FBXL20: variants seen among roughly 807,000 people sequenced by gnomAD.
FBXL20 encodes F-box and leucine rich repeat protein 20, also known as F-box/LRR-repeat protein 20.
A neutral mutation model predicts 64.0 loss-of-function variants in FBXL20; 11 were observed. That is an observed-to-expected ratio of 0.17 (90% CI 0.11 to 0.28). The LOEUF is 0.28. FBXL20 is among the 10% of genes least tolerant of loss of function. The pLI, the probability that FBXL20 is intolerant of heterozygous loss-of-function variation, is 1.00. For synonymous variants in FBXL20, 184 were observed against 189.0 expected, an observed-to-expected ratio of 0.97 and a Z score of 0.22; for missense variants, 303 against 526.2, an observed-to-expected ratio of 0.58 and a Z score of 4.15.
At chr17:39,265,515 G>A (rs1016791124) in intron 12 of FBXL20, 62 bp from the exon 13 acceptor site, 45 of 1,209,668 alleles carry the variant, frequency 3.7e-5, no homozygotes, top group South Asian at 3.5e-4. Context: ...AGTCATACCT[G>A]ATTCTTTTTT....
chr17:39,369,542 G>A (rs1043315870), intron 1 of FBXL20, among the ~76,000 whole-genome samples: 1 of 151,810 alleles, frequency 6.6e-6, no homozygotes, highest in Admixed American at 6.6e-5. Flanking sequence ...TAGAAGAGAC[G>A]GGGTTTCACC....
At chr17:39,279,297 G>A (rs1442356959) in intron 9 of FBXL20, among the ~76,000 whole-genome samples, 1 of 151,442 alleles carries the variant, frequency 6.6e-6, no homozygotes, top group Non-Finnish European at 1.5e-5. Context: ...CCAGACATTT[G>A]AGACCAGCCT....
chr17:39,315,332 A>G (rs926453182), intron 2 of FBXL20, among the ~76,000 whole-genome samples: 1 of 151,194 alleles, frequency 6.6e-6, no homozygotes, highest in African/African-American at 2.4e-5. Context: ...GTACGCTTTT[A>G]GTAAGGTTTT....
intron 1 of FBXL20, among the ~76,000 whole-genome samples, chr17:39,354,578 C>A (rs756390180): frequency 7.2e-5 from 11 of 152,138 alleles, no homozygotes; most frequent in Non-Finnish European, 2.9e-5. Flanking sequence ...TAAACTAGTG[C>A]CTAGGAATCA....
intron 2 of FBXL20, among the ~76,000 whole-genome samples, chr17:39,323,410 T>C (rs1263177631): frequency 2.6e-5 from 4 of 152,162 alleles, no homozygotes; most frequent in Admixed American, 1.3e-4. Flanking sequence ...TATATTCTTG[T>C]TGAAGAAAAC....
At chr17:39,353,813 G>A (rs1465378102) in intron 1 of FBXL20, among the ~76,000 whole-genome samples, 2 of 151,932 alleles carry the variant, frequency 1.3e-5, no homozygotes, top group Non-Finnish European at 2.9e-5. Context: ...AGTAGAGATG[G>A]GGTTTCATCA....
intron 2 of FBXL20, among the ~76,000 whole-genome samples, chr17:39,339,165 C>CAAAA (rs59901064): frequency 1.9e-3 from 131 of 67,486 alleles, no homozygotes; most frequent in African/African-American, 3.3e-3. Context: ...GACCCTGTCT[C>CAAAA]AAAAAAAAAA....
At position 39,357,680 on chromosome 17, in the gene FBXL20, G is replaced by A. The variant is rs534947388; in HGVS notation, c.43-14439C>T. Among the ~76,000 whole-genome samples, 6 of 152,270 alleles carry A rather than the reference G, an allele frequency of 3.9e-5. No individual in the cohort carries two copies. In the East Asian group the frequency reaches 7.7e-4, roughly 20 times the overall value. Reference sequence around the variant, plus strand: ...CTGCCTCAGCCTCCCAACGTGTTGCGACTACAGGTGAGTCACCATGCCCAG... The same window carrying A: ...CTGCCTCAGCCTCCCAACGTGTTGCAACTACAGGTGAGTCACCATGCCCAG... On this transcript the variant is annotated intron_variant, in intron 1 of 14. Transcript: ENST00000264658.
intron 2 of FBXL20, among the ~76,000 whole-genome samples, chr17:39,329,210 T>C (rs1014256538): frequency 6.6e-6 from 1 of 152,178 alleles, no homozygotes; most frequent in African/African-American, 2.4e-5. Flanking sequence ...ACAGACATCC[T>C]ATGCCTATGT....
At chr17:39,325,719 G>GA (rs1258765687) in intron 2 of FBXL20, among the ~76,000 whole-genome samples, 1 of 152,092 alleles carries the variant, frequency 6.6e-6, no homozygotes, top group Non-Finnish European at 1.5e-5. Flanking sequence ...ACTGACCTCT[G>GA]AACACTGCAC....
chr17:39,348,570 T>C (rs779250023), intron 1 of FBXL20, among the ~76,000 whole-genome samples: 1 of 152,012 alleles, frequency 6.6e-6, no homozygotes, highest in Non-Finnish European at 1.5e-5. Context: ...GGGATTACAT[T>C]TGTGAGCCAC....
intron 6 of FBXL20, among the ~76,000 whole-genome samples, chr17:39,293,857 T>C (rs2047062043): frequency 6.6e-6 from 1 of 152,072 alleles, no homozygotes; most frequent in South Asian, 2.1e-4. Context: ...GCTTCCTCTT[T>C]ATCAGCCACA....
At position 39,334,779 on chromosome 17, in the gene FBXL20, C is replaced by CA. The variant is rs201165983; in HGVS notation, c.104+8400dup. On this transcript the variant is annotated intron_variant, in intron 2 of 14. Transcript: ENST00000264658. ...CACTTAATGTCATTTTTACAGTTAT[C>CA]AACGTCATCCTCAGAAGGAATCTTT... Among the ~76,000 whole-genome samples, 1,372 of 152,250 alleles carry CA rather than the reference C, an allele frequency of 9.0e-3. 18 individuals carry two copies. Among genetic ancestry groups the CA allele is most frequent in the African/African-American group, 0.031 (1,294 of 41,540 alleles).
At chr17:39,357,480 TG>T (rs2047753855) in intron 1 of FBXL20, among the ~76,000 whole-genome samples, 1 of 152,172 alleles carries the variant, frequency 6.6e-6, no homozygotes, top group South Asian at 2.1e-4. Flanking sequence ...TCATATCTTT[TG>T]TTCTTCTGTT....
chr17:39,315,539 T>C (rs947804178), intron 2 of FBXL20, among the ~76,000 whole-genome samples: 2 of 151,326 alleles, frequency 1.3e-5, no homozygotes, highest in Non-Finnish European at 2.9e-5. Context: ...GGTTAGAGGT[T>C]GGGTGCAGAG....
chr17:39,281,470 A>T lies in FBXL20; in HGVS notation c.622-7T>A. 1.2e-6 allele frequency: 2 copies of T among 1,609,530 alleles called. No homozygotes were observed. The highest frequency in any genetic ancestry group is 2.2e-5 in the South Asian group (2 of 90,420). Reference sequence around the variant, plus strand: ...TGAGAGCTTCATCTTCTAGCTAGAAAGATTAAAAAGTAAGAAAAAAATGAT... The same window carrying T: ...TGAGAGCTTCATCTTCTAGCTAGAATGATTAAAAAGTAAGAAAAAAATGAT... On this transcript the variant is annotated splice_polypyrimidine_tract_variant and splice_region_variant and intron_variant, in intron 8 of 14. Transcript: ENST00000264658.
intron 6 of FBXL20, among the ~76,000 whole-genome samples, chr17:39,290,655 C>T (rs1470409638): frequency 6.6e-6 from 1 of 152,026 alleles, no homozygotes; most frequent in Non-Finnish European, 1.5e-5. Flanking sequence ...CCCTCGACCT[C>T]CTGGACCCAA....
chr17:39,339,380 T>C (rs2047560372), intron 2 of FBXL20, among the ~76,000 whole-genome samples: 1 of 152,066 alleles, frequency 6.6e-6, no homozygotes, highest in Non-Finnish European at 1.5e-5. Flanking sequence ...GATGGAAGGA[T>C]CACTTCAGGC....
chr17:39,362,550 C>T (rs1313517164), intron 1 of FBXL20, among the ~76,000 whole-genome samples: 2 of 151,204 alleles, frequency 1.3e-5, no homozygotes, highest in Non-Finnish European at 2.9e-5. Flanking sequence ...CTCGAACTCC[C>T]GACCTCAGGT....
Sources: allele counts gnomAD v4.1 joint callset (sites outside exome capture counted in the v4.1 genomes callset), GRCh38; gene constraint gnomAD v4.1.1; transcripts MANE v1.5; gene names NCBI Gene and HGNC (gene_info 2026-07-23, HGNC 2026-07-21).